LRP5: variants seen among roughly 807,000 people sequenced by gnomAD.
The protein encoded by LRP5 is low-density lipoprotein receptor-related protein 5.
In LRP5, 62 loss-of-function variants were observed where a neutral mutation model predicts 154.1. That is an observed-to-expected ratio of 0.40 (90% CI 0.33 to 0.50). The LOEUF is 0.50. Among genes scored for constraint, LRP5 ranks in the 20% least tolerant of loss-of-function variants. LRP5 has a pLI of 0.55. For synonymous variants in LRP5, 966 were observed against 1,011.5 expected, an observed-to-expected ratio of 0.96 and a Z score of 0.85; for missense variants, 1,915 against 2,336.7, an observed-to-expected ratio of 0.82 and a Z score of 3.72.
intron 2 of LRP5, among the ~76,000 whole-genome samples, chr11:68,351,909 G>A (rs1196713766): frequency 2.6e-5 from 4 of 152,080 alleles, no homozygotes; most frequent in African/African-American, 4.8e-5. Context: ...GGGGCAGCGC[G>A]GTCCAGGCAG....
intron 18 of LRP5, among the ~76,000 whole-genome samples, chr11:68,436,516 G>T (rs2098675005): frequency 6.6e-6 from 1 of 152,056 alleles, no homozygotes; most frequent in South Asian, 2.1e-4. Flanking sequence ...CTCTCGGGAG[G>T]CGAGGCTCCT....
intron 4 of LRP5, among the ~76,000 whole-genome samples, chr11:68,365,178 G>T (rs1219324079): frequency 1.3e-5 from 2 of 152,186 alleles, no homozygotes; most frequent in South Asian, 2.1e-4. Context: ...ATTGGAGCGT[G>T]GGGGGCAGCC....
Position 68,363,792 on chromosome 11 carries a change from G to A in LRP5, c.732G>A (p.Thr244=), listed in dbSNP as rs1565347080. Reference sequence around the variant, plus strand: ...GCCTGACGCACCCCTTCGCCCTGACGCTCTCCGGGGACACTCTGTACTGGA... The same window carrying A: ...GCCTGACGCACCCCTTCGCCCTGACACTCTCCGGGGACACTCTGTACTGGA... ...EGSLTHPFAL[T]LSGDTLYWTD... The change falls in exon 4 of 23, where the codon ACG becomes ACA. Residue 244 remains threonine (T), a synonymous_variant. Coordinates refer to ENST00000294304, the MANE Select transcript of LRP5 (RefSeq NM_002335.4). The A allele has an allele frequency of 7.4e-6, 12 of 1,612,890 alleles. No homozygotes were observed. Among genetic ancestry groups the A allele is most frequent in the East Asian group, 6.7e-5 (3 of 44,862 alleles).
rs1251838024 is a variant in LRP5, at chr11:68,315,334, C to A, written c.91+2529C>A. On this transcript the variant is annotated intron_variant, in intron 1 of 22. Transcript: ENST00000294304. ...GTCTAGAGGCTGTTATTACAATAGT[C>A]TGGATTTTTCCTGTATGACCTTGGA... 2.6e-5 allele frequency among the ~76,000 whole-genome samples: 4 copies of A among 152,330 alleles called. No homozygotes were observed. In the East Asian group the frequency reaches 7.7e-4, roughly 29 times the overall value.
At chr11:68,379,051 A>G in intron 5 of LRP5, among the ~76,000 whole-genome samples, 2 of 152,274 alleles carry the variant, frequency 1.3e-5, no homozygotes, top group Middle Eastern at 3.4e-3. Flanking sequence ...GTCTCAAAAA[A>G]AAAAATAAAA....
chr11:68,371,243 A>G (rs2098633850), intron 5 of LRP5, among the ~76,000 whole-genome samples: 1 of 152,116 alleles, frequency 6.6e-6, no homozygotes, highest in African/African-American at 2.4e-5. Flanking sequence ...TGCAAATTTG[A>G]GGTGGTTCTA....
chr11:68,422,745 C>T (rs2098666527), intron 13 of LRP5, among the ~76,000 whole-genome samples: 1 of 151,778 alleles, frequency 6.6e-6, no homozygotes, highest in Non-Finnish European at 1.5e-5. Context: ...CTGCCCCTAC[C>T]CACCCTCACC....
At chr11:68,410,212 A>C in intron 10 of LRP5, 72 bp downstream of exon 10, 3 of 1,263,420 alleles carry the variant, frequency 2.4e-6, no homozygotes, top group Non-Finnish European at 3.4e-6. Context: ...CCAACTGGGC[A>C]AGGTGGCAGG....
intron 7 of LRP5, among the ~76,000 whole-genome samples, chr11:68,397,293 G>C (rs572997232): frequency 2.1e-4 from 32 of 152,168 alleles, no homozygotes; most frequent in African/African-American, 7.7e-4. Flanking sequence ...TATATCCTGT[G>C]CCACAAGACA....
chr11:68,375,876 C>T (rs2098637060), intron 5 of LRP5, among the ~76,000 whole-genome samples: 1 of 152,188 alleles, frequency 6.6e-6, no homozygotes, highest in African/African-American at 2.4e-5. Context: ...GCCTTGCTGA[C>T]CTGGGAGGGT....
chr11:68,407,712 C>T (rs369940304), intron 9 of LRP5, among the ~76,000 whole-genome samples: 1 of 151,676 alleles, frequency 6.6e-6, no homozygotes, highest in Non-Finnish European at 1.5e-5. Flanking sequence ...CCGGGCATGG[C>T]GGCGCCTGCC....
At chr11:68,439,121 A>G (rs945421073) in intron 20 of LRP5, among the ~76,000 whole-genome samples, 3 of 152,230 alleles carry the variant, frequency 2.0e-5, no homozygotes, top group African/African-American at 4.8e-5. Flanking sequence ...CCCAGGCACC[A>G]GGAACGCAGG....
intron 16 of LRP5, among the ~76,000 whole-genome samples, chr11:68,427,037 G>A (rs1228810439): frequency 6.6e-6 from 1 of 151,694 alleles, no homozygotes; most frequent in Non-Finnish European, 1.5e-5. Flanking sequence ...CACACCTTGA[G>A]TCTCTCTGAT....
intron 6 of LRP5, among the ~76,000 whole-genome samples, chr11:68,387,153 C>T (rs1421401904): frequency 1.1e-4 from 17 of 149,458 alleles, no homozygotes; most frequent in Non-Finnish European, 2.2e-4. Context: ...CTCACTCTGT[C>T]GCCCAGGCTG....
chr11:68,386,186 C>G lies in LRP5; in HGVS notation c.1016-130C>G. The G allele has an allele frequency of 1.8e-6, 2 of 1,133,126 alleles. No individual in the cohort carries two copies. Among genetic ancestry groups the G allele is most frequent in the South Asian group, 2.6e-5 (2 of 77,346 alleles). 70.2% of individuals were successfully genotyped at this position (1,133,126 alleles called of 1,614,324 possible). A position where few individuals can be genotyped will look rare whatever the true frequency, so the allele number is the denominator to read the frequency against. ...CATGGGCTGGGTGCGTGTCACCTAA[C>G]ATCACCAGCCTTTGCAAGGAGAGCC... On this transcript the variant is annotated intron_variant, in intron 5 of 22. Coordinates refer to ENST00000294304, the MANE Select transcript of LRP5 (RefSeq NM_002335.4). This position sits in a 1 kb window ranked among gnomAD's most constrained non-coding sequence, Gnocchi z 7.9.
At chr11:68,440,837 A>G (rs113146423) in intron 21 of LRP5, among the ~76,000 whole-genome samples, 1 of 151,240 alleles carries the variant, frequency 6.6e-6, no homozygotes, top group Non-Finnish European at 1.5e-5. Context: ...TGTGATCTCT[A>G]GGCTCACCGC....
chr11:68,449,096 C>G lies in LRP5; in HGVS notation c.*26C>G, dbSNP rs780083222. ...CCTCGGCCGGGCCACTCTGGCTTCT[C>G]TGTGCCCCTGTAAATAGTTTTAAAT... is the stretch of plus-strand genomic sequence containing the variant. On this transcript the variant is annotated 3_prime_UTR_variant, in exon 23 of 23. Coordinates refer to ENST00000294304, the MANE Select transcript of LRP5 (RefSeq NM_002335.4). 1.3e-6 allele frequency: 2 copies of G among 1,506,046 alleles called. No individual in the cohort carries two copies. Among genetic ancestry groups the G allele is most frequent in the Non-Finnish European group, 1.8e-6 (2 of 1,131,746 alleles). The allele number at this position is 1,506,046 out of a possible 1,614,324, so 93.3% of individuals were successfully genotyped here.
intron 2 of LRP5, among the ~76,000 whole-genome samples, chr11:68,348,641 G>A (rs376477474): frequency 2.7e-5 from 4 of 150,070 alleles, no homozygotes; most frequent in African/African-American, 5.0e-5. Context: ...CCCAGCACTC[G>A]GTGCGACTCT....
chr11:68,368,675 G>A (rs2098632407), intron 5 of LRP5, among the ~76,000 whole-genome samples: 2 of 152,154 alleles, frequency 1.3e-5, no homozygotes, highest in African/African-American at 4.8e-5. Context: ...TTTATCTTCT[G>A]TTTTTTTGTT....
Sources: gnomAD v4.1 joint callset for allele counts (sites outside exome capture counted in the v4.1 genomes callset) on GRCh38, gnomAD v4.1.1 for gene constraint, Gnocchi (gnomAD v3.1) non-coding constraint, MANE v1.5 for transcripts, NCBI Gene and HGNC (gene_info 2026-07-23, HGNC 2026-07-21) for gene names.